Variants in RUNX2 observed in about 807,000 individuals in gnomAD.
RUNX2 encodes runt-related transcription factor 2.
RUNX2 carries 10 observed loss-of-function variants against 51.7 expected under a neutral mutation model. The observed-to-expected ratio is 0.19, with a 90% confidence interval of 0.12 to 0.33. RUNX2 has a LOEUF of 0.33. Ranked by LOEUF, RUNX2 falls within the 10% of genes least tolerant of loss-of-function variation. The pLI, the probability that RUNX2 is intolerant of heterozygous loss-of-function variation, is 1.00. For missense variants in RUNX2, 562 were observed against 691.3 expected, an observed-to-expected ratio of 0.81 and a Z score of 2.10; for synonymous variants, 276 against 273.6, an observed-to-expected ratio of 1.01 and a Z score of -0.09.
intron 5 of RUNX2, among the ~76,000 whole-genome samples, chr6:45,448,999 C>T (rs1034815386): frequency 6.6e-6 from 1 of 152,212 alleles, no homozygotes; most frequent in Non-Finnish European, 1.5e-5. Flanking sequence ...TCACTGTTTA[C>T]TCCAGCCTAC....
At chr6:45,528,250 C>T (rs1346205237) in intron 7 of RUNX2, among the ~76,000 whole-genome samples, 1 of 152,142 alleles carries the variant, frequency 6.6e-6, no homozygotes, top group South Asian at 2.1e-4. Flanking sequence ...CACAGCCAAA[C>T]CATATCAACA....
chr6:45,384,290 G>C (rs1797302998), intron 2 of RUNX2, among the ~76,000 whole-genome samples: 1 of 151,700 alleles, frequency 6.6e-6, no homozygotes, highest in Non-Finnish European at 1.5e-5. Context: ...TTGTTTGTTT[G>C]TTTCTTTGTT....
Position 45,358,954 on chromosome 6 carries a change from G to A in RUNX2, c.58+30170G>A, listed in dbSNP as rs117615172. Among the ~76,000 whole-genome samples, 382 of 152,084 alleles carry A rather than the reference G, an allele frequency of 2.5e-3. 14 individuals carry two copies. In the East Asian group the frequency reaches 0.066, roughly 26 times the overall value. Reference sequence around the variant, plus strand: ...ATTATACTGCAATTTTAGGCTGATGGGTCTGTGAATTTTTACCTATTTTTC... The same window carrying A: ...ATTATACTGCAATTTTAGGCTGATGAGTCTGTGAATTTTTACCTATTTTTC... On this transcript the variant is annotated intron_variant, in intron 2 of 8. Coordinates refer to ENST00000647337, the MANE Select transcript of RUNX2 (RefSeq NM_001024630.4).
chr6:45,417,906 C>A (rs1268213309), intron 2 of RUNX2, among the ~76,000 whole-genome samples: 1 of 152,146 alleles, frequency 6.6e-6, no homozygotes, highest in Non-Finnish European at 1.5e-5. Flanking sequence ...AGGCATTAGG[C>A]CAAATTTGTC....
At chr6:45,463,459 A>G (rs1799532778) in intron 5 of RUNX2, among the ~76,000 whole-genome samples, 1 of 152,234 alleles carries the variant, frequency 6.6e-6, no homozygotes, top group South Asian at 2.1e-4. Flanking sequence ...TTTTCTTTCT[A>G]GCTGGGGAGA....
chr6:45,464,337 A>G (rs1326438053), intron 5 of RUNX2, among the ~76,000 whole-genome samples: 1 of 152,218 alleles, frequency 6.6e-6, no homozygotes, highest in Non-Finnish European at 1.5e-5. Flanking sequence ...AGTTAACAGT[A>G]AAGTTTTCAA....
At chr6:45,401,171 C>T (rs955381252) in intron 2 of RUNX2, among the ~76,000 whole-genome samples, 5 of 152,154 alleles carry the variant, frequency 3.3e-5, no homozygotes, top group Non-Finnish European at 7.4e-5. Flanking sequence ...GGATTATCTT[C>T]CAGTGGGTAA....
chr6:45,412,948 A>T (rs540124460), intron 2 of RUNX2, among the ~76,000 whole-genome samples: 1 of 152,010 alleles, frequency 6.6e-6, no homozygotes, highest in Non-Finnish European at 1.5e-5. Context: ...GCGGGGTTTC[A>T]CCATGTTGGC....
intron 7 of RUNX2, among the ~76,000 whole-genome samples, chr6:45,542,675 A>G (rs915492580): frequency 6.6e-6 from 1 of 152,234 alleles, no homozygotes; most frequent in Non-Finnish European, 1.5e-5. Context: ...GCAGTAGAAG[A>G]GTCAATTTAA....
chr6:45,441,514 A>G (rs1340761334), intron 5 of RUNX2, among the ~76,000 whole-genome samples: 1 of 152,248 alleles, frequency 6.6e-6, no homozygotes, highest in Non-Finnish European at 1.5e-5. Flanking sequence ...AATGGGTAGC[A>G]CAGTGACTGT....
At position 45,479,871 on chromosome 6, in the gene RUNX2, C is replaced by T. The variant is rs1284715444; in HGVS notation, c.686-12070C>T. On this transcript the variant is annotated intron_variant, in intron 5 of 8. Transcript: ENST00000647337. ...GCCTTGAAAAGAAGAGTAAAACTTG[C>T]TATCTTCTAACTCCATTTAACACTA... 2.0e-5 allele frequency among the ~76,000 whole-genome samples: 3 copies of T among 152,208 alleles called. No homozygotes were observed. In the East Asian group the frequency reaches 5.8e-4, roughly 29 times the overall value.
At chr6:45,489,070 TAC>T (rs1207490664) in intron 5 of RUNX2, among the ~76,000 whole-genome samples, 10 of 152,234 alleles carry the variant, frequency 6.6e-5, no homozygotes, top group Non-Finnish European at 1.2e-4. Flanking sequence ...CTCTTCAATG[TAC>T]TTTGTTCTTC....
chr6:45,359,423 A>G (rs1793839090), intron 2 of RUNX2, among the ~76,000 whole-genome samples: 2 of 152,230 alleles, frequency 1.3e-5, no homozygotes, highest in South Asian at 4.1e-4. Flanking sequence ...AAACTAAAGT[A>G]TATCTTAAAA....
chr6:45,497,720 C>G (rs1800687250), intron 6 of RUNX2, among the ~76,000 whole-genome samples: 1 of 152,086 alleles, frequency 6.6e-6, no homozygotes, highest in Admixed American at 6.5e-5. Context: ...TCTGTCTCCT[C>G]CATCAGACTT....
intron 7 of RUNX2, among the ~76,000 whole-genome samples, 172 bp from the exon 8 acceptor site, chr6:45,545,045 C>A (rs991089043): frequency 6.6e-6 from 1 of 152,126 alleles, no homozygotes; most frequent in Non-Finnish European, 1.5e-5. Context: ...TGCTCACTAG[C>A]TTTTACCCTC....
At chr6:45,340,718 T>C (rs186850600) in intron 2 of RUNX2, among the ~76,000 whole-genome samples, 2 of 152,246 alleles carry the variant, frequency 1.3e-5, no homozygotes, top group African/African-American at 2.4e-5. Context: ...AATACACATA[T>C]ATACTCTATG....
rs141744522 is a variant in RUNX2, at chr6:45,492,437, T to C, written c.859+323T>C. ...TATTGTATCCAGGTGGTGCAGGGGA[T>C]AACATCACACCCTTACTATTAGAAA... is the stretch of plus-strand genomic sequence containing the variant. On this transcript the variant is annotated intron_variant, in intron 6 of 8. Transcript: ENST00000647337. Among the ~76,000 whole-genome samples the C allele has an allele frequency of 1.5e-3, 221 of 152,290 alleles. 2 individuals are homozygous for C. The highest frequency in any genetic ancestry group is 4.6e-3 in the African/African-American group (192 of 41,562).
rs980617263 is a variant in RUNX2 at position 45,462,997 on chromosome 6, A to C, written c.685+24946A>C. 2.6e-5 allele frequency among the ~76,000 whole-genome samples: 4 copies of C among 152,190 alleles called. No homozygotes were observed. In the South Asian group the frequency reaches 8.3e-4, roughly 31 times the overall value. On this transcript the variant is annotated intron_variant, in intron 5 of 8. Coordinates refer to ENST00000647337, the MANE Select transcript of RUNX2 (RefSeq NM_001024630.4). ...GCTGAAGTTGTCCCCATCTGGCCCT[A>C]TGTGAAGGATGCATACAGTGGCACA... is the stretch of plus-strand genomic sequence containing the variant.
At chr6:45,516,655 T>C (rs1801332196) in intron 7 of RUNX2, among the ~76,000 whole-genome samples, 1 of 152,246 alleles carries the variant, frequency 6.6e-6, no homozygotes. Flanking sequence ...TCATTGATTC[T>C]AGTCAAGGGT....
Sources: allele counts gnomAD v4.1 joint callset (sites outside exome capture counted in the v4.1 genomes callset), GRCh38; gene constraint gnomAD v4.1.1; transcripts MANE v1.5; gene names NCBI Gene and HGNC (gene_info 2026-07-23, HGNC 2026-07-21).